Variants in PPARG observed in about 807,000 individuals in gnomAD.
PPARG encodes the protein peroxisome proliferator-activated receptor gamma.
Under a neutral mutation model 39.2 loss-of-function variants are expected in PPARG, and 17 were observed. The observed-to-expected ratio is 0.43, with a 90% confidence interval of 0.30 to 0.65. The LOEUF is 0.65. Among genes scored for constraint, PPARG ranks in the 30% least tolerant of loss-of-function variants. The probability of loss-of-function intolerance (pLI) is 0.13; values close to 1 mark genes in which losing one functional copy is unlikely to be tolerated. For synonymous variants in PPARG, 223 were observed against 215.7 expected (o/e 1.03, Z -0.30); for missense variants, 406 against 585.9 (o/e 0.69, Z 3.17).
At chr3:12,323,069 G>C (rs1179336498) in intron 2 of PPARG, among the ~76,000 whole-genome samples, 5 of 152,118 alleles carry the variant, frequency 3.3e-5, no homozygotes, top group Non-Finnish European at 7.3e-5. Context: ...GCCTCCCAAA[G>C]TGTTGAGATT....
At chr3:12,351,870 C>A (rs530210914) in intron 2 of PPARG, among the ~76,000 whole-genome samples, 1 of 152,176 alleles carries the variant, frequency 6.6e-6, no homozygotes, top group Non-Finnish European at 1.5e-5. Context: ...GAAACCTAAC[C>A]TAATCTATTT....
chr3:12,310,559 G>A (rs1574967347), intron 1 of PPARG, among the ~76,000 whole-genome samples: 1 of 87,944 alleles, frequency 1.1e-5, no homozygotes, highest in South Asian at 3.4e-4. Context: ...CGCCTCCTGG[G>A]TTCACGCCAT....
intron 1 of PPARG, chr3:12,297,964 A>G (rs1384291896): frequency 6.6e-6 from 1 of 152,154 alleles, no homozygotes; most frequent in East Asian, 1.9e-4. Flanking sequence ...ACAAATGTTC[A>G]TTATGAGCCC....
intron 6 of PPARG, among the ~76,000 whole-genome samples, chr3:12,416,413 T>C (rs1488598256): frequency 7.4e-6 from 1 of 135,224 alleles, no homozygotes; most frequent in Non-Finnish European, 1.7e-5. Context: ...AAATCAACAA[T>C]GAAGACTCCC....
intron 1 of PPARG, among the ~76,000 whole-genome samples, chr3:12,298,319 A>C (rs908380882): frequency 6.9e-6 from 1 of 145,154 alleles, no homozygotes; most frequent in Non-Finnish European, 1.5e-5. Flanking sequence ...AAAAAAAAAA[A>C]AAAAAAAAGA....
At chr3:12,321,806 A>G (rs1022698722) in intron 2 of PPARG, among the ~76,000 whole-genome samples, 2 of 152,184 alleles carry the variant, frequency 1.3e-5, no homozygotes, top group East Asian at 3.8e-4. Context: ...ATTGATTTTC[A>G]TACTATTGTT....
At chr3:12,362,681 G>A (rs2125122002) in intron 2 of PPARG, among the ~76,000 whole-genome samples, 2 of 151,948 alleles carry the variant, frequency 1.3e-5, no homozygotes, top group Non-Finnish European at 2.9e-5. Flanking sequence ...TGCATTGGAT[G>A]GATTTCCAGT....
intron 4 of PPARG, among the ~76,000 whole-genome samples, chr3:12,386,720 T>A (rs907063331): frequency 3.3e-5 from 5 of 152,124 alleles, no homozygotes; most frequent in Non-Finnish European, 7.4e-5. Flanking sequence ...TATCTTTTCT[T>A]TTTTTTATTA....
intron 2 of PPARG, among the ~76,000 whole-genome samples, chr3:12,361,767 C>G (rs2048854517): frequency 6.6e-6 from 1 of 152,162 alleles, no homozygotes; most frequent in African/African-American, 2.4e-5. Flanking sequence ...AGTATAAATC[C>G]TCCAGCGTTG....
intron 4 of PPARG, among the ~76,000 whole-genome samples, chr3:12,387,846 G>A (rs1430235687): frequency 4.0e-5 from 6 of 150,726 alleles, no homozygotes; most frequent in African/African-American, 9.8e-5. Context: ...TTTTTGTGGT[G>A]TTAGGTCTTA....
chr3:12,296,751 T>C (rs2124938006), intron 1 of PPARG, among the ~76,000 whole-genome samples: 1 of 152,298 alleles, frequency 6.6e-6, no homozygotes, highest in South Asian at 2.1e-4. Context: ...ATCCCTAGTC[T>C]CCGCGTCAAA....
chr3:12,335,046 T>C (rs1218829009), intron 2 of PPARG, among the ~76,000 whole-genome samples: 1 of 152,226 alleles, frequency 6.6e-6, no homozygotes, highest in East Asian at 1.9e-4. Flanking sequence ...AAATTACTGT[T>C]AATTTTCTTG....
intron 2 of PPARG, among the ~76,000 whole-genome samples, chr3:12,334,450 C>T (rs1219749993): frequency 2.0e-5 from 3 of 151,874 alleles, no homozygotes; most frequent in East Asian, 1.9e-4. Flanking sequence ...AGGCTGGTCT[C>T]GAACTCCTGA....
chr3:12,359,674 C>CTTTTTTTTTTTTTTTTTT lies in PPARG; in HGVS notation c.-8-20029_-8-20012dup, dbSNP rs71628752. Among the ~76,000 whole-genome samples the CTTTTTTTTTTTTTTTTTT allele has an allele frequency of 2.0e-4, 26 of 129,846 alleles. 1 individual carries two copies. The highest frequency in any genetic ancestry group is 4.6e-4 in the African/African-American group (16 of 34,600). The allele number at this position is 129,846 out of a possible 152,430, so 85.2% of individuals were successfully genotyped here. The stretch of plus-strand genomic sequence containing the variant: ...ACTTTTCCTACTTACTCTTTTATTT[C>CTTTTTTTTTTTTTTTTTT]TTTTTTTTTTTTTTTTTTGAGACAG... On this transcript the variant is annotated intron_variant, in intron 2 of 7. Transcript: ENST00000651735.
At chr3:12,404,900 G>A (rs553724686) in intron 5 of PPARG, among the ~76,000 whole-genome samples, 14 of 152,320 alleles carry the variant, frequency 9.2e-5, no homozygotes, top group African/African-American at 3.4e-4. Context: ...CAGTCTCTGC[G>A]CTCGAGGAGC....
chr3:12,421,945 G>C (rs1255726160), intron 7 of PPARG, among the ~76,000 whole-genome samples: 2 of 118,872 alleles, frequency 1.7e-5, no homozygotes, highest in African/African-American at 7.2e-5. Context: ...AGGAGAATAG[G>C]GTAGAAGCAG....
At chr3:12,408,193 A>G (rs1286345786) in intron 6 of PPARG, among the ~76,000 whole-genome samples, 1 of 152,224 alleles carries the variant, frequency 6.6e-6, no homozygotes, top group African/African-American at 2.4e-5. Flanking sequence ...GGTCTGAGAA[A>G]ACTTTCCATG....
chr3:12,322,595 A>G (rs948060910), intron 2 of PPARG, among the ~76,000 whole-genome samples: 1 of 152,360 alleles, frequency 6.6e-6, no homozygotes, highest in Non-Finnish European at 1.5e-5. Context: ...GGATGTGGAT[A>G]CATGAGAAGG....
chr3:12,428,505 A>C (rs1220253830), intron 7 of PPARG, among the ~76,000 whole-genome samples: 2 of 152,230 alleles, frequency 1.3e-5, no homozygotes, highest in East Asian at 1.9e-4. Flanking sequence ...AGAGGATCTC[A>C]GGTGGGCCTC....
Sources: gnomAD v4.1 joint callset for allele counts (sites outside exome capture counted in the v4.1 genomes callset) on GRCh38, gnomAD v4.1.1 for gene constraint, MANE v1.5 for transcripts, NCBI Gene and HGNC (gene_info 2026-07-23, HGNC 2026-07-21) for gene names.